GRIP1: variants seen among roughly 807,000 people sequenced by gnomAD.
The protein encoded by GRIP1 is glutamate receptor-interacting protein 1.
GRIP1 carries 45 observed loss-of-function variants against 129.9 expected under a neutral mutation model. The ratio of observed to expected loss-of-function variants is 0.35; its 90% CI spans 0.27 to 0.44. The LOEUF (loss-of-function observed/expected upper bound fraction) is 0.44. Ranked by LOEUF, GRIP1 falls within the 20% of genes least tolerant of loss-of-function variation. The pLI, the probability that GRIP1 is intolerant of heterozygous loss-of-function variation, is 1.00. For synonymous variants in GRIP1, 530 were observed against 520.8 expected (o/e 1.02, Z -0.24); for missense variants, 1,196 against 1,396.8 (o/e 0.86, Z 2.29).
At chr12:66,865,299 A>G (rs1324757725) in intron 1 of GRIP1, among the ~76,000 whole-genome samples, 1 of 152,158 alleles carries the variant, frequency 6.6e-6, no homozygotes, top group African/African-American at 2.4e-5. Flanking sequence ...CTAAATCAAG[A>G]TTTACTGTGA....
intron 1 of GRIP1, among the ~76,000 whole-genome samples, chr12:66,792,820 G>A (rs1393199772): frequency 6.6e-6 from 1 of 152,084 alleles, no homozygotes; most frequent in Non-Finnish European, 1.5e-5. Context: ...ACAAAGCCAA[G>A]CTCAAACTGG....
intron 1 of GRIP1, among the ~76,000 whole-genome samples, chr12:66,812,163 T>C (rs2039116582): frequency 6.6e-6 from 1 of 152,218 alleles, no homozygotes; most frequent in South Asian, 2.1e-4. Flanking sequence ...CGATGGAGTA[T>C]CACTCTGTCA....
chr12:66,462,008 G>T (rs1350118258), intron 9 of GRIP1, among the ~76,000 whole-genome samples: 4 of 152,122 alleles, frequency 2.6e-5, no homozygotes, highest in African/African-American at 9.7e-5. Context: ...CATTTGATTT[G>T]GGGCTCAAAG....
At chr12:66,561,488 A>T (rs1157384597) in intron 2 of GRIP1, among the ~76,000 whole-genome samples, 1 of 152,090 alleles carries the variant, frequency 6.6e-6, no homozygotes, top group East Asian at 1.9e-4. Flanking sequence ...TAAAAACTAA[A>T]AAAAAAGAAA....
chr12:66,446,457 T>G (rs1206623964), intron 11 of GRIP1, among the ~76,000 whole-genome samples: 6 of 152,148 alleles, frequency 3.9e-5, no homozygotes, highest in Non-Finnish European at 7.3e-5. Flanking sequence ...CATAACCCTC[T>G]TCAAAAGCCA....
chr12:66,357,083 A>G, intron 23 of GRIP1, among the ~76,000 whole-genome samples: 1 of 152,056 alleles, frequency 6.6e-6, no homozygotes, highest in East Asian at 1.9e-4. Context: ...CGCCATGTTG[A>G]CCAGGCTGGT....
At chr12:66,644,099 A>C (rs1174074201) in intron 1 of GRIP1, among the ~76,000 whole-genome samples, 1 of 152,174 alleles carries the variant, frequency 6.6e-6, no homozygotes, top group East Asian at 1.9e-4. Flanking sequence ...CCCCTGATAA[A>C]CCCATCAGAT....
chr12:66,639,951 A>G (rs1387723619), intron 1 of GRIP1, among the ~76,000 whole-genome samples: 2 of 152,158 alleles, frequency 1.3e-5, no homozygotes, highest in African/African-American at 4.8e-5. Flanking sequence ...TGAATGACCA[A>G]CAACCCCTTG....
intron 4 of GRIP1, among the ~76,000 whole-genome samples, chr12:66,535,997 A>T (rs553525523): frequency 2.6e-5 from 4 of 152,150 alleles, no homozygotes; most frequent in Non-Finnish European, 5.9e-5. Context: ...AGCTCTGCCC[A>T]CATTCTTATC....
At chr12:66,794,358 T>C (rs1335894136) in intron 1 of GRIP1, among the ~76,000 whole-genome samples, 1 of 152,150 alleles carries the variant, frequency 6.6e-6, no homozygotes, top group East Asian at 1.9e-4. Context: ...TCTTAGATGC[T>C]GGAATACAAA....
chr12:67,015,956 T>C (rs1281771029), intron 1 of GRIP1, among the ~76,000 whole-genome samples: 1 of 152,204 alleles, frequency 6.6e-6, no homozygotes, highest in Non-Finnish European at 1.5e-5. Flanking sequence ...GCACCATCAC[T>C]GTCATCTGCT....
At chr12:66,795,271 T>C (rs2038662306) in intron 1 of GRIP1, among the ~76,000 whole-genome samples, 2 of 152,222 alleles carry the variant, frequency 1.3e-5, no homozygotes, top group Admixed American at 6.5e-5. Flanking sequence ...TCACATTCCA[T>C]ATTGCTTACA....
Position 66,649,061 on chromosome 12 carries a change from T to C in GRIP1, c.55+29789A>G, listed in dbSNP as rs115332070. Among the ~76,000 whole-genome samples the C allele has an allele frequency of 4.0e-3, 604 of 152,304 alleles. 3 individuals carry two copies. Among genetic ancestry groups the C allele is most frequent in the African/African-American group, 0.014 (579 of 41,564 alleles). On this transcript the variant is annotated intron_variant, in intron 1 of 24. Coordinates refer to ENST00000359742, the MANE Select transcript of GRIP1 (RefSeq NM_001366722.1). ...AAGCAAAGAAGAAAGTGAACATTCT[T>C]GTAGTTTAAAAAGCAAGAGGACCAT...
chr12:66,564,874 C>T (rs1486662175), intron 2 of GRIP1, among the ~76,000 whole-genome samples: 3 of 152,214 alleles, frequency 2.0e-5, no homozygotes, highest in Non-Finnish European at 4.4e-5. Context: ...TCTCTGATGG[C>T]CAGTGATGAT....
At chr12:66,603,703 C>T (rs1469380323) in intron 1 of GRIP1, among the ~76,000 whole-genome samples, 2 of 152,186 alleles carry the variant, frequency 1.3e-5, no homozygotes, top group African/African-American at 2.4e-5. Flanking sequence ...TATCCCCAGG[C>T]CTGCAATGAT....
intron 1 of GRIP1, among the ~76,000 whole-genome samples, chr12:66,831,094 T>C (rs1390469737): frequency 3.3e-5 from 5 of 152,130 alleles, no homozygotes; most frequent in Middle Eastern, 3.4e-3. Flanking sequence ...GCTAAAGCAA[T>C]CCTCTCGCCT....
At chr12:66,689,490 C>G (rs1260796342) in intron 1 of GRIP1, among the ~76,000 whole-genome samples, 1 of 152,116 alleles carries the variant, frequency 6.6e-6, no homozygotes, top group African/African-American at 2.4e-5. Flanking sequence ...ATATACATTT[C>G]AAAAGGCATA....
chr12:66,794,944 A>G (rs1475899054), intron 1 of GRIP1, among the ~76,000 whole-genome samples: 1 of 152,158 alleles, frequency 6.6e-6, no homozygotes, highest in East Asian at 1.9e-4. Context: ...ATAATGAAAG[A>G]CCACTGTAAA....
chr12:66,437,525 CAT>C (rs1231504286), intron 13 of GRIP1, among the ~76,000 whole-genome samples: 3 of 152,168 alleles, frequency 2.0e-5, no homozygotes, highest in Non-Finnish European at 4.4e-5. Context: ...ATGAACTTAA[CAT>C]TTCCTTTTCC....
Sources: gnomAD v4.1 joint callset for allele counts (sites outside exome capture counted in the v4.1 genomes callset) on GRCh38, gnomAD v4.1.1 for gene constraint, MANE v1.5 for transcripts, NCBI Gene and HGNC (gene_info 2026-07-23, HGNC 2026-07-21) for gene names.